Variants in ERCC6L2 observed in about 807,000 individuals in gnomAD.
The protein encoded by ERCC6L2 is ERCC excision repair 6 like 2.
A neutral mutation model predicts 132.0 loss-of-function variants in ERCC6L2; 77 were observed. The ratio of observed to expected loss-of-function variants is 0.58; its 90% confidence interval spans 0.49 to 0.71. The LOEUF is 0.71. ERCC6L2 is among the 30% of genes least tolerant of loss of function. The pLI, the probability that ERCC6L2 is intolerant of heterozygous loss-of-function variation, is 0.00. For synonymous variants in ERCC6L2, 583 were observed against 632.4 expected (o/e 0.92, Z 1.17); for missense variants, 1,542 against 1,837.6 (o/e 0.84, Z 2.94).
At chr9:95,877,165 C>G (rs689749) in intron 1 of ERCC6L2, 90,273 of 152,016 alleles carry the variant, frequency 0.59, 27,039 homozygotes, top group East Asian at 0.79. Flanking sequence ...AATTTTAGGA[C>G]ACTTAACCCA....
Position 96,025,733 on chromosome 9 carries a change from A to G in ERCC6L2, c.*1504-13143A>G, listed in dbSNP as rs1163318613. The G allele has an allele frequency of 3.9e-5, 6 of 152,220 alleles. No homozygotes were observed. The East Asian group carries it at 1.2e-3, about 29-fold the overall frequency. 9.4% of individuals were successfully genotyped at this position (152,220 alleles called of 1,614,324 possible). ...GTTTGCATTGATATTTCCACCAGTA[A>G]TCTTCAATAAGAATAGAATTTTAGA... On this transcript the variant is annotated intron_variant and NMD_transcript_variant, in intron 19 of 20. Coordinates refer to the ERCC6L2 transcript ENST00000670016.
intron 13 of ERCC6L2, among the ~76,000 whole-genome samples, chr9:95,961,022 A>ATC (rs1469976595): frequency 6.6e-6 from 1 of 152,168 alleles, no homozygotes; most frequent in Non-Finnish European, 1.5e-5. Flanking sequence ...CAAACTTGAC[A>ATC]AAGACATTGC....
chr9:95,916,085 C>T (rs1454087361), intron 5 of ERCC6L2, 142 bp from the exon 6 acceptor site: 20 of 849,524 alleles, frequency 2.4e-5, no homozygotes, highest in African/African-American at 1.0e-4. Context: ...CTGAAACTGT[C>T]GTAAAGAAAG....
rs578097800 is a variant in ERCC6L2 at position 95,889,585 on chromosome 9, G to A, written c.472-8264G>A. On this transcript the variant is annotated intron_variant, in intron 2 of 18. Transcript: ENST00000653738. Reference sequence around the variant, plus strand: ...TGAGCTTTGACAAATGTCTATGTCTGTGTAACTAATATACTAATCAAAATA... The same window carrying A: ...TGAGCTTTGACAAATGTCTATGTCTATGTAACTAATATACTAATCAAAATA... Among the ~76,000 whole-genome samples the A allele has an allele frequency of 9.2e-5, 14 of 152,204 alleles. 1 individual carries two copies. The South Asian group carries it at 2.9e-3, about 32-fold the overall frequency.
rs150058652 is a variant in ERCC6L2, at chr9:96,034,545, G to A, written c.*1504-4331G>A. Among the ~76,000 whole-genome samples the A allele has an allele frequency of 7.9e-3, 1,209 of 152,300 alleles. 17 individuals are homozygous for A. Among genetic ancestry groups the A allele is most frequent in the African/African-American group, 0.027 (1,136 of 41,546 alleles). On this transcript the variant is annotated intron_variant and NMD_transcript_variant, in intron 19 of 20. Coordinates refer to the ERCC6L2 transcript ENST00000670016. ...CAGGGAAAGCTTCCTGGGAGAGGCG[G>A]TCTTTGACAAACAAGCAAGAGCATT...
At chr9:96,028,297 C>T (rs1834409687) in intron 19 of ERCC6L2, among the ~76,000 whole-genome samples, 1 of 152,146 alleles carries the variant, frequency 6.6e-6, no homozygotes, top group Non-Finnish European at 1.5e-5. Context: ...TTTCTTGGAG[C>T]ACGAGTGCCC....
At chr9:95,985,123 T>G (rs2133136358) in intron 17 of ERCC6L2, among the ~76,000 whole-genome samples, 1 of 152,344 alleles carries the variant, frequency 6.6e-6, no homozygotes, top group Non-Finnish European at 1.5e-5. Flanking sequence ...CAGTTTCAGG[T>G]TCCTTTAGTG....
chr9:95,947,839 T>C (rs1831135503), intron 12 of ERCC6L2, among the ~76,000 whole-genome samples: 1 of 152,164 alleles, frequency 6.6e-6, no homozygotes, highest in African/African-American at 2.4e-5. Flanking sequence ...ACAGGATGGT[T>C]TACTGAATAT....
At position 95,907,212 on chromosome 9, in the gene ERCC6L2, A is replaced by G. The variant is rs1829085057; in HGVS notation, c.729A>G (p.Lys243=). ...DNELIRVKQR[K]CEIALTTYET... ...AATTAATTCGTGTAAAGCAGAGGAA[A>G]TGTGAAATTGCTCTAACAACTTATG... Residue 243 remains lysine (K), a synonymous_variant, in exon 4 of 19, where the codon AAA becomes AAG. Transcript: ENST00000653738. The G allele has an allele frequency of 3.7e-6, 6 of 1,613,358 alleles. No individual in the cohort carries two copies. In the East Asian group the frequency reaches 8.9e-5, roughly 24 times the overall value.
At chr9:95,925,142 T>A (rs935364896) in intron 9 of ERCC6L2, among the ~76,000 whole-genome samples, 2 of 152,226 alleles carry the variant, frequency 1.3e-5, no homozygotes, top group Admixed American at 1.3e-4. Flanking sequence ...CTGAACAGAA[T>A]GCCTGCTATA....
intron 2 of ERCC6L2, among the ~76,000 whole-genome samples, chr9:95,887,086 A>C (rs528923999): frequency 2.9e-4 from 44 of 152,244 alleles, no homozygotes; most frequent in African/African-American, 8.4e-4. Context: ...ATATATCTCT[A>C]TTCCATTAGT....
chr9:95,880,670 T>C (rs1165535440), intron 1 of ERCC6L2, among the ~76,000 whole-genome samples, 199 bp from the exon 2 acceptor site: 1 of 152,204 alleles, frequency 6.6e-6, no homozygotes, highest in Non-Finnish European at 1.5e-5. Context: ...ATAAAGTATG[T>C]ACCCTTTATT....
At chr9:95,964,367 C>A (rs987244411) in intron 13 of ERCC6L2, among the ~76,000 whole-genome samples, 2 of 152,146 alleles carry the variant, frequency 1.3e-5, no homozygotes, top group Non-Finnish European at 1.5e-5. Context: ...TCTTTTTGCA[C>A]TTCTTTACTG....
chr9:95,906,584 C>G (rs1829047339), intron 3 of ERCC6L2: 1 of 446,402 alleles, frequency 2.2e-6, no homozygotes, highest in African/African-American at 2.0e-5. Context: ...CTTCAATTTT[C>G]CAGTGAATTT....
intron 12 of ERCC6L2, among the ~76,000 whole-genome samples, chr9:95,953,590 C>T (rs957298844): frequency 7.1e-6 from 1 of 141,356 alleles, no homozygotes. Context: ...AAAAAAAAAA[C>T]AATGAAATTA....
intron 3 of ERCC6L2, chr9:95,906,512 A>C: frequency 2.6e-6 from 1 of 379,866 alleles, no homozygotes; most frequent in Admixed American, 3.4e-5. Flanking sequence ...ATGGAAATGA[A>C]TATAGATAGG....
intron 17 of ERCC6L2, among the ~76,000 whole-genome samples, chr9:95,996,520 T>C (rs1204479594): frequency 1.3e-5 from 2 of 152,198 alleles, no homozygotes; most frequent in African/African-American, 2.4e-5. Flanking sequence ...TTTTCATAGC[T>C]AGAGGGGAGA....
chr9:95,993,999 T>A (rs985775199), intron 17 of ERCC6L2, among the ~76,000 whole-genome samples: 2 of 152,252 alleles, frequency 1.3e-5, no homozygotes, highest in Non-Finnish European at 2.9e-5. Context: ...AATTCAGGGA[T>A]AGCTCATAGT....
chr9:96,028,313 A>G (rs1333123543), intron 19 of ERCC6L2, among the ~76,000 whole-genome samples: 1 of 152,216 alleles, frequency 6.6e-6, no homozygotes, highest in Non-Finnish European at 1.5e-5. Context: ...TGCCCTTCAG[A>G]TATGAGTAGA....
Sources: allele counts gnomAD v4.1 joint callset (sites outside exome capture counted in the v4.1 genomes callset), GRCh38; gene constraint gnomAD v4.1.1; transcripts MANE v1.5; gene names NCBI Gene and HGNC (gene_info 2026-07-23, HGNC 2026-07-21).